PLAC1: variants seen among roughly 807,000 people sequenced by gnomAD.
The protein encoded by PLAC1 is placenta associated 1.
For synonymous variants in PLAC1, 68 were observed against 62.1 expected (o/e 1.09, Z -0.44); for missense variants, 136 against 163.2 (o/e 0.83, Z 0.91).
At chrX:134,568,543 G>T (rs1419694968) in intron 2 of PLAC1, among the ~76,000 whole-genome samples, 1 of 111,607 alleles carries the variant, frequency 9.0e-6, no homozygotes, top group East Asian at 2.8e-4. Context: ...GGTGTTGTGG[G>T]TGTAAAAGAG....
intron 2 of PLAC1, among the ~76,000 whole-genome samples, chrX:134,710,774 G>C (rs1390395224): frequency 9.0e-6 from 1 of 111,007 alleles, no homozygotes; most frequent in African/African-American, 3.3e-5. Context: ...CTGGAGGCAG[G>C]AGATAAAGGG....
chrX:134,753,983 C>G (rs1285331132), intron 1 of PLAC1, among the ~76,000 whole-genome samples: 1 of 112,296 alleles, frequency 8.9e-6, no homozygotes. Context: ...TAAGTGCTTC[C>G]ATAGACTAAA....
intron 2 of PLAC1, among the ~76,000 whole-genome samples, chrX:134,664,008 G>A (rs762659289): frequency 1.2e-4 from 13 of 112,034 alleles, no homozygotes; most frequent in Admixed American, 6.6e-4. Context: ...TGGACCTGGC[G>A]TGTGCCTCTA....
chrX:134,716,637 C>T (rs1271922921), intron 2 of PLAC1, among the ~76,000 whole-genome samples: 1 of 112,554 alleles, frequency 8.9e-6, no homozygotes, highest in African/African-American at 3.2e-5. Flanking sequence ...AGAGGGCCTT[C>T]TTCCAGAGGC....
At chrX:134,719,433 A>G (rs2078651642) in intron 2 of PLAC1, among the ~76,000 whole-genome samples, 1 of 112,209 alleles carries the variant, frequency 8.9e-6, no homozygotes, top group Admixed American at 9.5e-5. Flanking sequence ...GTTAATCTCC[A>G]TAGATGCAGA....
chrX:134,608,473 G>A (rs910130721), intron 1 of PLAC1, among the ~76,000 whole-genome samples: 3 of 111,375 alleles, frequency 2.7e-5, no homozygotes, highest in Non-Finnish European at 3.8e-5. Flanking sequence ...TATCCAGAAT[G>A]TTCACATCCA....
intron 2 of PLAC1, among the ~76,000 whole-genome samples, chrX:134,678,390 G>A (rs1019808954): frequency 9.0e-6 from 1 of 110,999 alleles, no homozygotes; most frequent in Non-Finnish European, 1.9e-5. Context: ...TGCACTTTCT[G>A]TTCCCTCTGC....
intron 1 of PLAC1, among the ~76,000 whole-genome samples, chrX:134,750,812 AAT>A (rs1244215206): frequency 3.8e-5 from 2 of 52,012 alleles, no homozygotes; most frequent in African/African-American, 2.6e-4. Flanking sequence ...CAAAAAAAAA[AAT>A]ATATATATAT....
Position 134,692,899 on chromosome X carries a change from C to A in PLAC1, n.174+40536G>T, listed in dbSNP as rs1023534162. ...AATTATTAGGGGGAAGGGGAGCAATCGGTGTCAACAATGTTTGGAAAAGGA... is the reference window on the plus strand; with the variant it reads ...AATTATTAGGGGGAAGGGGAGCAATAGGTGTCAACAATGTTTGGAAAAGGA... On this transcript the variant is annotated intron_variant and non_coding_transcript_variant, in intron 2 of 2. Coordinates refer to the PLAC1 transcript ENST00000466797. Among the ~76,000 whole-genome samples, 3 of 111,668 alleles carry A rather than the reference C, an allele frequency of 2.7e-5. No homozygotes were observed. In the South Asian group the frequency reaches 1.1e-3, roughly 42 times the overall value.
chrX:134,704,492 C>CA (rs746684410), intron 2 of PLAC1, among the ~76,000 whole-genome samples: 108 of 36,939 alleles, frequency 2.9e-3, no homozygotes, highest in East Asian at 0.011. Context: ...GACTCCATCT[C>CA]AAAAAAAAAA....
intron 2 of PLAC1, among the ~76,000 whole-genome samples, chrX:134,590,294 G>T (rs1438218312): frequency 9.0e-6 from 1 of 111,252 alleles, no homozygotes; most frequent in Non-Finnish European, 1.9e-5. Flanking sequence ...GTCAATCAGG[G>T]TCTTATTACC....
chrX:134,654,911 C>T (rs1281081406), intron 1 of PLAC1, among the ~76,000 whole-genome samples: 1 of 112,375 alleles, frequency 8.9e-6, no homozygotes, highest in Non-Finnish European at 1.9e-5. Flanking sequence ...AGCACTTCCA[C>T]TTTTACTGAT....
chrX:134,687,268 T>C lies in PLAC1; in HGVS notation n.174+46167A>G, dbSNP rs750325277. 1.1e-3 allele frequency among the ~76,000 whole-genome samples: 127 copies of C among 111,923 alleles called. No individual in the cohort carries two copies. The South Asian group carries it at 0.021, about 19-fold the overall frequency. On this transcript the variant is annotated intron_variant and non_coding_transcript_variant, in intron 2 of 2. Coordinates refer to the PLAC1 transcript ENST00000466797. ...ATGTTAAGGGTAGAAAACATCTTTC[T>C]AGTTTCCTTTAGGCCAAGCTTGTCC...
chrX:134,683,143 A>G (rs2078504421), intron 2 of PLAC1, among the ~76,000 whole-genome samples: 1 of 111,586 alleles, frequency 9.0e-6, no homozygotes, highest in Non-Finnish European at 1.9e-5. Context: ...ACAAAGAAAA[A>G]TCAAGAAGTA....
intron 1 of PLAC1, among the ~76,000 whole-genome samples, chrX:134,630,467 G>A (rs909643718): frequency 8.9e-6 from 1 of 111,922 alleles, no homozygotes; most frequent in East Asian, 2.8e-4. Flanking sequence ...GTGTGCCCAA[G>A]GGCATATGAA....
At chrX:134,710,727 T>G (rs994936842) in intron 2 of PLAC1, among the ~76,000 whole-genome samples, 10 of 111,510 alleles carry the variant, frequency 9.0e-5, no homozygotes, top group East Asian at 5.6e-4. Context: ...TATCATAGTT[T>G]GGAAGAAAAC....
chrX:134,730,649 A>G (rs984862067), intron 2 of PLAC1, among the ~76,000 whole-genome samples: 1 of 110,423 alleles, frequency 9.1e-6, no homozygotes, highest in African/African-American at 3.3e-5. Flanking sequence ...GGGTCTCATT[A>G]TGTTGCCCAG....
chrX:134,667,238 C>G (rs1476415533), intron 2 of PLAC1, among the ~76,000 whole-genome samples: 1 of 111,926 alleles, frequency 8.9e-6, no homozygotes, highest in Non-Finnish European at 1.9e-5. Context: ...GAAGAGACCA[C>G]CCATGGAATG....
intron 2 of PLAC1, among the ~76,000 whole-genome samples, chrX:134,575,531 A>G (rs2077933848): frequency 9.1e-6 from 1 of 109,757 alleles, no homozygotes; most frequent in Non-Finnish European, 1.9e-5. Flanking sequence ...GCACTTTAGG[A>G]GGCCAAGGCG....
Sources: allele counts gnomAD v4.1 joint callset (sites outside exome capture counted in the v4.1 genomes callset), GRCh38; gene constraint gnomAD v4.1.1; transcripts MANE v1.5; gene names NCBI Gene and HGNC (gene_info 2026-07-23, HGNC 2026-07-21).